FANCD2: variants seen among roughly 807,000 people sequenced by gnomAD.
FANCD2 encodes the protein FA complementation group D2.
Under a neutral mutation model 192.3 loss-of-function variants are expected in FANCD2, and 131 were observed. That is an observed-to-expected ratio of 0.68 (90% confidence interval 0.59 to 0.79). The LOEUF is 0.79. Among genes scored for constraint, FANCD2 ranks in the 30% least tolerant of loss-of-function variants. The probability of loss-of-function intolerance (pLI) is 0.00; values close to 1 mark genes in which losing one functional copy is unlikely to be tolerated. For missense variants in FANCD2, 1,508 were observed against 1,701.6 expected, an observed-to-expected ratio of 0.89 and a Z score of 2.00; for synonymous variants, 524 against 612.5, an observed-to-expected ratio of 0.86 and a Z score of 2.13.
chr3:10,037,618 A>G lies in FANCD2; in HGVS notation c.491+1279A>G, dbSNP rs564208578. 2.0e-5 allele frequency: 3 copies of G among 152,358 alleles called. No homozygotes were observed. The South Asian group carries it at 6.2e-4, about 32-fold the overall frequency. The allele number at this position is 152,358 out of a possible 1,614,324, so 9.4% of individuals were successfully genotyped here. A position where few individuals can be genotyped will look rare whatever the true frequency, so the allele number is the denominator to read the frequency against. On this transcript the variant is annotated intron_variant, in intron 7 of 43. Transcript: ENST00000675286. ...CAGAGATTAGCATGGCCCTTTTGCA[A>G]GGGTGATACCCAAATTTGTGAAGTG...
In FANCD2 at chr3:10,092,684, C is replaced by CTT. The variant is rs565351425; in HGVS notation, c.3849+457_3849+458dup. Among the ~76,000 whole-genome samples the CTT allele has an allele frequency of 6.8e-4, 49 of 72,060 alleles. 3 individuals are homozygous for CTT. The highest frequency in any genetic ancestry group is 5.8e-3 in the East Asian group (16 of 2,782). The allele number at this position is 72,060 out of a possible 152,430, so 47.3% of individuals were successfully genotyped here. ...CCTTGTCTCTCCACCTCTTTCATGT[C>CTT]TTTTTTTTTTTTTTTTTTTTTTTTT... On this transcript the variant is annotated intron_variant, in intron 38 of 43. Transcript: ENST00000675286.
At chr3:10,096,999 G>A (rs557900765) in intron 42 of FANCD2, among the ~76,000 whole-genome samples, 10 of 152,222 alleles carry the variant, frequency 6.6e-5, no homozygotes, top group Middle Eastern at 3.4e-3. Flanking sequence ...AAAGCTGGGC[G>A]TCCGGGGGAG....
intron 11 of FANCD2, 37 bp downstream of exon 11, chr3:10,042,700 A>G (rs1287208428): frequency 6.6e-7 from 1 of 1,506,992 alleles, no homozygotes; most frequent in Non-Finnish European, 9.2e-7. Context: ...AGATAAAGCA[A>G]CTTAAGTGCC....
intron 40 of FANCD2, 195 bp from the exon 41 acceptor site, chr3:10,095,005 G>T: frequency 1.6e-6 from 1 of 612,234 alleles, no homozygotes; most frequent in Admixed American, 2.5e-5. Flanking sequence ...ATTGATACAA[G>T]GGACAGAAAT....
intron 39 of FANCD2, 28 bp from the exon 40 acceptor site, chr3:10,094,261 G>C (rs1694821206): frequency 1.3e-6 from 2 of 1,592,190 alleles, no homozygotes; most frequent in Non-Finnish European, 1.7e-6. Flanking sequence ...ACCTCAGCTA[G>C]AGGTAACAGT....
At chr3:10,066,940 G>A (rs746132082) in intron 25 of FANCD2, among the ~76,000 whole-genome samples, 11 of 152,040 alleles carry the variant, frequency 7.2e-5, no homozygotes, top group Non-Finnish European at 1.3e-4. Context: ...GGCCAGACTG[G>A]TCTCAAACTC....
At chr3:10,083,296 A>G (rs1449703651) in intron 32 of FANCD2, among the ~76,000 whole-genome samples, 1 of 152,194 alleles carries the variant, frequency 6.6e-6, no homozygotes, top group East Asian at 1.9e-4. Flanking sequence ...TCTAAAAATT[A>G]TAAAAACAAT....
rs1421830650 is a variant in FANCD2, at chr3:10,051,400, AAAAAAAACAAAAAGGAGT to A, written c.1546-986_1546-969del. 3.2e-4 allele frequency among the ~76,000 whole-genome samples: 4 copies of A among 12,616 alleles called. 1 individual carries two copies. The highest frequency in any genetic ancestry group is 5.0e-3 in the South Asian group (2 of 402). 8.3% of individuals were successfully genotyped at this position (12,616 alleles called of 152,430 possible). ...CGTCTCAAAAAAAAAAAAAAAAAAA[AAAAAAAACAAAAAGGAGT>A]GAGGGATTTATCTCCCAGTGTTGGA... On this transcript the variant is annotated intron_variant, in intron 17 of 43. Transcript: ENST00000675286.
In FANCD2 at chr3:10,083,887, CA is replaced by C. The variant is rs1301118343; in HGVS notation, c.3225-1905del. Among the ~76,000 whole-genome samples, 388 of 43,840 alleles carry C rather than the reference CA, an allele frequency of 8.9e-3. 2 individuals carry two copies. Among genetic ancestry groups the C allele is most frequent in the Admixed American group, 0.018 (77 of 4,196 alleles). 28.8% of individuals were successfully genotyped at this position (43,840 alleles called of 152,430 possible). A position where few individuals can be genotyped will look rare whatever the true frequency, so the allele number is the denominator to read the frequency against. ...TGGGCGACAGAGCAAGACTCCGTCT[CA>C]AAAAAAAAAAAAAAAAAAAGGTATG... On this transcript the variant is annotated intron_variant, in intron 32 of 43. Coordinates refer to ENST00000675286, the MANE Select transcript of FANCD2 (RefSeq NM_001018115.3).
intron 2 of FANCD2, chr3:10,032,552 CT>C (rs35664310): frequency 2.7e-6 from 1 of 369,104 alleles, no homozygotes; most frequent in East Asian, 6.7e-5. Flanking sequence ...AGTGATCCTC[CT>C]GCCTTGGCCT....
chr3:10,085,717 C>G, intron 32 of FANCD2, 95 bp from the exon 33 acceptor site: 1 of 846,836 alleles, frequency 1.2e-6, no homozygotes, highest in Non-Finnish European at 2.1e-6. Flanking sequence ...AACCGTTAAA[C>G]TATTGATGGT....
chr3:10,036,086 C>CTTTTTTTTT lies in FANCD2; in HGVS notation c.439-190_439-182dup, dbSNP rs532765216. ...TAGTTGGAAAGAGAATTATACATTT[C>CTTTTTTTTT]TTTTTTTTTTTTTTTTTTTGAGTCA... On this transcript the variant is annotated intron_variant, in intron 6 of 43. Transcript: ENST00000675286. Among the ~76,000 whole-genome samples the CTTTTTTTTT allele has an allele frequency of 4.3e-4, 44 of 102,558 alleles. 3 individuals are homozygous for CTTTTTTTTT. Among genetic ancestry groups the CTTTTTTTTT allele is most frequent in the South Asian group, 6.1e-4 (2 of 3,254 alleles). The allele number at this position is 102,558 out of a possible 152,430, so 67.3% of individuals were successfully genotyped here.
intron 18 of FANCD2, among the ~76,000 whole-genome samples, chr3:10,056,614 C>T (rs906632674): frequency 6.6e-6 from 1 of 152,106 alleles, no homozygotes; most frequent in Non-Finnish European, 1.5e-5. Flanking sequence ...TCACTGCAGC[C>T]TGGAAATCCT....
chr3:10,099,048 A>G, intron 43 of FANCD2: 1 of 1,596,854 alleles, frequency 6.3e-7, no homozygotes, highest in East Asian at 2.2e-5. Context: ...TTTGTTATAG[A>G]GTTGACAATT....
At chr3:10,083,425 G>A (rs369844298) in intron 32 of FANCD2, 1 of 152,232 alleles carries the variant, frequency 6.6e-6, no homozygotes, top group African/African-American at 2.4e-5. Context: ...AGCATGCCAA[G>A]TGTTGGTGAG....
intron 14 of FANCD2, among the ~76,000 whole-genome samples, chr3:10,044,494 C>A (rs2086947471): frequency 6.6e-6 from 1 of 151,994 alleles, no homozygotes; most frequent in South Asian, 2.1e-4. Flanking sequence ...GTAGCGAAAC[C>A]CCGTCTCTAC....
intron 5 of FANCD2, 100 bp downstream of exon 5, chr3:10,034,898 G>T: frequency 1.1e-6 from 1 of 912,780 alleles, no homozygotes. Flanking sequence ...TTTCATTTTT[G>T]GTGTAAGCTC....
At position 10,065,549 on chromosome 3, in the gene FANCD2, T is replaced by G. The variant is rs1349895972; in HGVS notation, c.2269+55T>G. 2.5e-6 allele frequency: 3 copies of G among 1,209,852 alleles called. No individual in the cohort carries two copies. In the African/African-American group the frequency reaches 4.5e-5, roughly 18 times the overall value. The allele number at this position is 1,209,852 out of a possible 1,614,324, so 74.9% of individuals were successfully genotyped here. A position where few individuals can be genotyped will look rare whatever the true frequency, so the allele number is the denominator to read the frequency against. ...TCTTTATACTCTTCCTTTGGTAAAC[T>G]TAGGGAAAGGGCAGATCAATACATG... On this transcript the variant is annotated intron_variant, in intron 24 of 43. Coordinates refer to ENST00000675286, the MANE Select transcript of FANCD2 (RefSeq NM_001018115.3).
intron 18 of FANCD2, among the ~76,000 whole-genome samples, chr3:10,055,472 G>T (rs969249088): frequency 1.3e-5 from 2 of 152,102 alleles, no homozygotes; most frequent in African/African-American, 4.8e-5. Context: ...CAAGGTTCAT[G>T]TAGGTTGTAG....
Sources: gnomAD v4.1 joint callset for allele counts (sites outside exome capture counted in the v4.1 genomes callset) on GRCh38, gnomAD v4.1.1 for gene constraint, MANE v1.5 for transcripts, NCBI Gene and HGNC (gene_info 2026-07-23, HGNC 2026-07-21) for gene names.